Variants in PDGFRL observed in about 807,000 individuals in gnomAD.
PDGFRL encodes the protein platelet derived growth factor receptor like, also known as platelet-derived growth factor receptor-like protein.
A neutral mutation model predicts 37.2 loss-of-function variants in PDGFRL; 46 were observed. That is an observed-to-expected ratio of 1.24 (90% confidence interval 0.98 to 1.58). PDGFRL has a LOEUF of 1.58. PDGFRL is among the 40% of genes most tolerant of loss of function. The pLI is 0.00. For synonymous variants in PDGFRL, 251 were observed against 184.3 expected, an observed-to-expected ratio of 1.36 and a Z score of -2.93; for missense variants, 692 against 467.6, an observed-to-expected ratio of 1.48 and a Z score of -4.43.
chr8:17,632,411 G>A (rs1804881735), intron 4 of PDGFRL, among the ~76,000 whole-genome samples: 2 of 151,582 alleles, frequency 1.3e-5, no homozygotes, highest in Admixed American at 1.3e-4. Flanking sequence ...TGTGATCTCG[G>A]CTCACTGCAA....
At chr8:17,598,869 T>C (rs1395836748) in intron 2 of PDGFRL, among the ~76,000 whole-genome samples, 1 of 152,162 alleles carries the variant, frequency 6.6e-6, no homozygotes, top group Non-Finnish European at 1.5e-5. Flanking sequence ...TTTCTCTTGG[T>C]GCTCATTCTC....
chr8:17,578,401 T>C (rs1198982227), intron 1 of PDGFRL, among the ~76,000 whole-genome samples: 1 of 152,176 alleles, frequency 6.6e-6, no homozygotes, highest in Non-Finnish European at 1.5e-5. Context: ...AAGATAGTCG[T>C]GGTACTTGAA....
intron 1 of PDGFRL, among the ~76,000 whole-genome samples, chr8:17,587,718 C>T (rs1179616584): frequency 6.7e-6 from 1 of 150,210 alleles, no homozygotes; most frequent in African/African-American, 2.5e-5. Context: ...ACCTCCGCCT[C>T]CCGGGTTCAA....
chr8:17,599,688 A>G (rs1189764472), intron 2 of PDGFRL, among the ~76,000 whole-genome samples: 1 of 152,180 alleles, frequency 6.6e-6, no homozygotes, highest in Non-Finnish European at 1.5e-5. Flanking sequence ...TAGAAAGGTC[A>G]CTTTTTCTCT....
chr8:17,605,886 A>G lies in PDGFRL; in HGVS notation c.354-15165A>G, dbSNP rs143675858. On this transcript the variant is annotated intron_variant, in intron 2 of 5. Coordinates refer to ENST00000251630, the MANE Select transcript of PDGFRL (RefSeq NM_001372073.1). ...TGGCTGGCTCCTCGGAAAACAATAA[A>G]TAGCTTTTAGAGAGAAGGGAGGGCA... 2.9e-3 allele frequency among the ~76,000 whole-genome samples: 445 copies of G among 152,262 alleles called. 6 individuals carry two copies. The highest frequency in any genetic ancestry group is 0.01 in the African/African-American group (425 of 41,552).
chr8:17,602,207 G>T (rs1386142291), intron 2 of PDGFRL, among the ~76,000 whole-genome samples: 2 of 152,186 alleles, frequency 1.3e-5, no homozygotes, highest in African/African-American at 4.8e-5. Context: ...TTTCTTTAAT[G>T]ATTAGTATGT....
intron 3 of PDGFRL, among the ~76,000 whole-genome samples, chr8:17,622,599 A>C (rs967982289): frequency 3.9e-5 from 6 of 152,224 alleles, no homozygotes; most frequent in Non-Finnish European, 8.8e-5. Context: ...TTTGATGCAG[A>C]CTTTTTACTC....
chr8:17,612,529 C>T (rs1271255550), intron 2 of PDGFRL, among the ~76,000 whole-genome samples: 1 of 152,122 alleles, frequency 6.6e-6, no homozygotes, highest in Non-Finnish European at 1.5e-5. Flanking sequence ...TGCCACCATA[C>T]CCGGGTAATT....
intron 2 of PDGFRL, among the ~76,000 whole-genome samples, chr8:17,602,302 C>T (rs766378204): frequency 7.2e-5 from 11 of 152,124 alleles, no homozygotes; most frequent in Non-Finnish European, 1.3e-4. Context: ...GGAGATGTGG[C>T]TGGTCAGAGG....
At position 17,605,889 on chromosome 8, in the gene PDGFRL, G is replaced by C. The variant is rs147206556; in HGVS notation, c.354-15162G>C. ...CTGGCTCCTCGGAAAACAATAAATAGCTTTTAGAGAGAAGGGAGGGCATCG... is the reference window on the plus strand; with the variant it reads ...CTGGCTCCTCGGAAAACAATAAATACCTTTTAGAGAGAAGGGAGGGCATCG... On this transcript the variant is annotated intron_variant, in intron 2 of 5. Transcript: ENST00000251630. Among the ~76,000 whole-genome samples, 978 of 152,260 alleles carry C rather than the reference G, an allele frequency of 6.4e-3. 5 individuals carry two copies. The highest frequency in any genetic ancestry group is 0.01 in the Non-Finnish European group (713 of 68,010).
rs765119918 is a variant in PDGFRL, at chr8:17,634,219, T to A, written c.939+6T>A. 3.1e-6 allele frequency: 5 copies of A among 1,601,990 alleles called. No homozygotes were observed. The South Asian group carries it at 5.6e-5, about 18-fold the overall frequency. On this transcript the variant is annotated splice_donor_region_variant and intron_variant, in intron 5 of 5. Coordinates refer to ENST00000251630, the MANE Select transcript of PDGFRL (RefSeq NM_001372073.1). ...GGATCTTCCCAGGGCAGAAGGTAAG[T>A]GTTGTACCTGCATCTCAGCCCCTGC...
At chr8:17,588,175 C>G (rs1469360780) in intron 1 of PDGFRL, among the ~76,000 whole-genome samples, 1 of 152,144 alleles carries the variant, frequency 6.6e-6, no homozygotes, top group Non-Finnish European at 1.5e-5. Context: ...TGATAAAATA[C>G]TCCTTCCCCA....
chr8:17,577,156 G>T, upstream of PDGFRL: 1 of 1,508,990 alleles, frequency 6.6e-7, no homozygotes, highest in African/African-American at 1.4e-5. Context: ...CTCCCGCTTC[G>T]GCGTCCCAGG....
chr8:17,599,140 T>C (rs577331550), intron 2 of PDGFRL, among the ~76,000 whole-genome samples: 4 of 152,224 alleles, frequency 2.6e-5, no homozygotes, highest in Non-Finnish European at 4.4e-5. Context: ...CTCTCTCTTT[T>C]AAAATTTTAT....
chr8:17,583,508 C>A (rs1365064352), intron 1 of PDGFRL, among the ~76,000 whole-genome samples: 2 of 152,088 alleles, frequency 1.3e-5, no homozygotes, highest in Admixed American at 6.6e-5. Context: ...ATTTCGGGGA[C>A]TATTGGGAAA....
intron 5 of PDGFRL, among the ~76,000 whole-genome samples, chr8:17,636,459 C>T (rs1245711412): frequency 6.6e-6 from 1 of 152,040 alleles, no homozygotes; most frequent in East Asian, 1.9e-4. Flanking sequence ...CTATTCTGTT[C>T]CACTGGTCTA....
chr8:17,636,092 C>A (rs572461324), intron 5 of PDGFRL, among the ~76,000 whole-genome samples: 18 of 152,278 alleles, frequency 1.2e-4, no homozygotes, highest in African/African-American at 4.3e-4. Flanking sequence ...CTGATTATTT[C>A]TTTTGCTGTG....
intron 4 of PDGFRL, among the ~76,000 whole-genome samples, chr8:17,632,161 C>G (rs959514250): frequency 6.6e-6 from 1 of 152,226 alleles, no homozygotes; most frequent in Non-Finnish European, 1.5e-5. Context: ...AACCTCCCTC[C>G]TCCTCCCGAT....
intron 2 of PDGFRL, among the ~76,000 whole-genome samples, chr8:17,602,209 T>C (rs930126892): frequency 2.0e-5 from 3 of 152,196 alleles, no homozygotes; most frequent in African/African-American, 7.2e-5. Context: ...TCTTTAATGA[T>C]TAGTATGTTG....
Sources: allele counts gnomAD v4.1 joint callset (sites outside exome capture counted in the v4.1 genomes callset), GRCh38; gene constraint gnomAD v4.1.1; transcripts MANE v1.5; gene names NCBI Gene and HGNC (gene_info 2026-07-23, HGNC 2026-07-21).